DLGAP2: variants seen among roughly 807,000 people sequenced by gnomAD.
The protein encoded by DLGAP2 is DLG associated protein 2, also known as disks large-associated protein 2.
A neutral mutation model predicts 100.3 loss-of-function variants in DLGAP2; 26 were observed. The observed-to-expected ratio is 0.26, with a 90% CI of 0.19 to 0.36. The LOEUF (loss-of-function observed/expected upper bound fraction) is 0.36. Ranked by LOEUF, DLGAP2 falls within the 10% of genes least tolerant of loss-of-function variation. The probability of loss-of-function intolerance (pLI) is 1.00; values close to 1 mark genes in which losing one functional copy is unlikely to be tolerated. For synonymous variants in DLGAP2, 886 were observed against 630.1 expected (o/e 1.41, Z -6.08); for missense variants, 1,858 against 1,453.2 (o/e 1.28, Z -4.53).
At chr8:1,389,981 C>A (rs892943212) in intron 3 of DLGAP2, among the ~76,000 whole-genome samples, 1 of 151,986 alleles carries the variant, frequency 6.6e-6, no homozygotes, top group Non-Finnish European at 1.5e-5. Flanking sequence ...CAGGAGCAAC[C>A]GCAGGCTCTC....
intron 9 of DLGAP2, 74 bp from the exon 10 acceptor site, chr8:1,669,669 G>C (rs2130840812): frequency 1.3e-6 from 1 of 779,318 alleles, no homozygotes. Flanking sequence ...CGGGCGGAGA[G>C]AGCAGGGGAG....
rs190092931 is a variant in DLGAP2, at chr8:936,910, T to C, written c.73+28944T>C. ...CCATCGTTTCACCACCGTGGACCAT[T>C]TTCACAAAGCGCACTGCGTGACGTC... is the stretch of plus-strand genomic sequence containing the variant. On this transcript the variant is annotated intron_variant, in intron 2 of 14. Coordinates refer to ENST00000637795, the MANE Select transcript of DLGAP2 (RefSeq NM_001346810.2). Among the ~76,000 whole-genome samples, 32 of 152,316 alleles carry C rather than the reference T, an allele frequency of 2.1e-4. No individual in the cohort carries two copies. The East Asian group carries it at 5.6e-3, about 27-fold the overall frequency.
At chr8:1,264,550 A>G (rs1219596273) in intron 3 of DLGAP2, among the ~76,000 whole-genome samples, 2 of 152,258 alleles carry the variant, frequency 1.3e-5, no homozygotes, top group South Asian at 2.1e-4. Context: ...GGACCACATG[A>G]TGACATTCAT....
intron 1 of DLGAP2, among the ~76,000 whole-genome samples, chr8:755,389 G>T (rs943748712): frequency 3.3e-5 from 5 of 152,120 alleles, no homozygotes; most frequent in African/African-American, 1.2e-4. Flanking sequence ...AACACAGGAG[G>T]CAGAGGTTGC....
chr8:779,395 C>T (rs1236313136), intron 1 of DLGAP2, among the ~76,000 whole-genome samples: 1 of 152,078 alleles, frequency 6.6e-6, no homozygotes, highest in Non-Finnish European at 1.5e-5. Flanking sequence ...TCCAAATGCA[C>T]CTACACTGGG....
intron 3 of DLGAP2, among the ~76,000 whole-genome samples, chr8:1,276,936 T>A (rs557857075): frequency 9.5e-4 from 144 of 152,324 alleles, no homozygotes; most frequent in Non-Finnish European, 1.8e-3. Flanking sequence ...TTTTATGGAA[T>A]CATATAACAT....
intron 6 of DLGAP2, among the ~76,000 whole-genome samples, chr8:1,591,005 C>G (rs193078014): frequency 1.1e-4 from 16 of 152,284 alleles, no homozygotes; most frequent in Admixed American, 5.9e-4. Context: ...TAAGGAAGCT[C>G]AAAACATGAG....
intron 2 of DLGAP2, among the ~76,000 whole-genome samples, chr8:981,110 C>A (rs1393675685): frequency 6.6e-6 from 1 of 152,092 alleles, no homozygotes; most frequent in African/African-American, 2.4e-5. Flanking sequence ...CACCTGTAAC[C>A]TACTGTCTGT....
At chr8:912,480 A>C (rs1473459799) in intron 2 of DLGAP2, among the ~76,000 whole-genome samples, 1 of 152,118 alleles carries the variant, frequency 6.6e-6, no homozygotes, top group Non-Finnish European at 1.5e-5. Context: ...GTGGGTGGGG[A>C]GGCCTCGTTC....
At chr8:768,406 G>C (rs937373566) in intron 1 of DLGAP2, among the ~76,000 whole-genome samples, 7 of 151,102 alleles carry the variant, frequency 4.6e-5, no homozygotes, top group African/African-American at 1.2e-4. Flanking sequence ...TGAACCAGGA[G>C]GGAAGGCGTT....
chr8:769,927 G>A (rs189945322), intron 1 of DLGAP2, among the ~76,000 whole-genome samples: 2 of 152,228 alleles, frequency 1.3e-5, no homozygotes, highest in East Asian at 1.9e-4. Flanking sequence ...CAGCAGCTGC[G>A]GGGGTCATGC....
chr8:1,144,448 T>C (rs939675748), intron 2 of DLGAP2, among the ~76,000 whole-genome samples: 1 of 152,228 alleles, frequency 6.6e-6, no homozygotes, highest in African/African-American at 2.4e-5. Context: ...AGCTTTCTTG[T>C]TTCTTTGAGG....
chr8:815,311 G>A (rs1796456131), intron 1 of DLGAP2, among the ~76,000 whole-genome samples: 1 of 152,202 alleles, frequency 6.6e-6, no homozygotes, highest in Non-Finnish European at 1.5e-5. Flanking sequence ...CTTGGCGGAG[G>A]AGCAGAACAC....
At chr8:1,495,081 C>A (rs1328963933) in intron 3 of DLGAP2, among the ~76,000 whole-genome samples, 4 of 152,212 alleles carry the variant, frequency 2.6e-5, no homozygotes, top group Admixed American at 6.5e-5. Flanking sequence ...CACCAGGTGG[C>A]AGCTCAGCCC....
intron 1 of DLGAP2, among the ~76,000 whole-genome samples, chr8:783,000 G>T (rs1821740234): frequency 6.6e-6 from 1 of 152,212 alleles, no homozygotes; most frequent in African/African-American, 2.4e-5. Context: ...CACTTCGTGA[G>T]ATTAACCAGT....
chr8:1,494,083 ACT>A (rs1238001701), intron 3 of DLGAP2, among the ~76,000 whole-genome samples: 1 of 152,026 alleles, frequency 6.6e-6, no homozygotes, highest in Non-Finnish European at 1.5e-5. Context: ...CATAACAAAC[ACT>A]CTGCAGGGCA....
chr8:1,696,548 A>G (rs1005919167), intron 13 of DLGAP2, among the ~76,000 whole-genome samples: 3 of 152,206 alleles, frequency 2.0e-5, no homozygotes, highest in African/African-American at 7.2e-5. Context: ...TGTATCTGTC[A>G]GGCACTGGGC....
chr8:1,527,174 G>A (rs983416415), intron 4 of DLGAP2, among the ~76,000 whole-genome samples: 3 of 152,224 alleles, frequency 2.0e-5, no homozygotes, highest in Admixed American at 2.0e-4. Context: ...TCACAAATCC[G>A]TGACTGACAT....
intron 2 of DLGAP2, among the ~76,000 whole-genome samples, chr8:984,918 A>G (rs1264197727): frequency 6.6e-6 from 1 of 152,254 alleles, no homozygotes; most frequent in Non-Finnish European, 1.5e-5. Flanking sequence ...TGGGAACGAT[A>G]GCTAGGCTCC....
Sources: gnomAD v4.1 joint callset for allele counts (sites outside exome capture counted in the v4.1 genomes callset) on GRCh38, gnomAD v4.1.1 for gene constraint, MANE v1.5 for transcripts, NCBI Gene and HGNC (gene_info 2026-07-23, HGNC 2026-07-21) for gene names.